The following ROR2 variants were observed in gnomAD, a reference collection of about 807,000 sequenced individuals.
The protein encoded by ROR2 is ROR family WNT receptor 2, also known as tyrosine-protein kinase transmembrane receptor ROR2.
ROR2 carries 33 observed loss-of-function variants against 74.9 expected under a neutral mutation model. The observed-to-expected ratio is 0.44, with a 90% CI of 0.33 to 0.59. The LOEUF (loss-of-function observed/expected upper bound fraction) is 0.59. Among genes scored for constraint, ROR2 ranks in the 20% least tolerant of loss-of-function variants. The pLI is 0.02. For missense variants in ROR2, 1,216 were observed against 1,313.8 expected (o/e 0.93, Z 1.15); for synonymous variants, 586 against 558.7 (o/e 1.05, Z -0.69).
At chr9:91,819,427 GTC>G (rs983903242) in intron 1 of ROR2, among the ~76,000 whole-genome samples, 40 of 152,230 alleles carry the variant, frequency 2.6e-4, no homozygotes, top group African/African-American at 9.4e-4. Context: ...GTGTCTGTTA[GTC>G]TCTGTGTGTG....
intron 1 of ROR2, among the ~76,000 whole-genome samples, chr9:91,805,470 T>C (rs1259017492): frequency 6.6e-6 from 1 of 152,192 alleles, no homozygotes; most frequent in Non-Finnish European, 1.5e-5. Flanking sequence ...TCTTCTCCTG[T>C]TCCTGAATAA....
At chr9:91,763,326 G>C (rs1402826803) in intron 2 of ROR2, among the ~76,000 whole-genome samples, 1 of 152,176 alleles carries the variant, frequency 6.6e-6, no homozygotes, top group East Asian at 1.9e-4. Context: ...AACCTAAAAT[G>C]AAAGTTGGAA....
intron 1 of ROR2, among the ~76,000 whole-genome samples, chr9:91,825,169 C>T (rs1373917095): frequency 6.6e-6 from 1 of 152,186 alleles, no homozygotes; most frequent in African/African-American, 2.4e-5. Context: ...TAAAGCAAGG[C>T]GCCCCTCCCA....
chr9:91,787,544 T>C (rs951329357), intron 1 of ROR2, among the ~76,000 whole-genome samples: 3 of 152,132 alleles, frequency 2.0e-5, no homozygotes, highest in Non-Finnish European at 2.9e-5. Flanking sequence ...TTTATTTATT[T>C]ATTTAAAAAT....
intron 1 of ROR2, among the ~76,000 whole-genome samples, chr9:91,881,059 G>A (rs922875844): frequency 4.6e-5 from 7 of 152,146 alleles, no homozygotes; most frequent in Admixed American, 4.6e-4. Flanking sequence ...CTTGCCAGCC[G>A]CTTACTTTCA....
chr9:91,947,148 A>G (rs1832032919), intron 1 of ROR2, among the ~76,000 whole-genome samples: 1 of 152,254 alleles, frequency 6.6e-6, no homozygotes, highest in Admixed American at 6.5e-5. Flanking sequence ...AGCAGTCACC[A>G]AAAACTACCC....
chr9:91,804,446 A>G (rs1268179829), intron 1 of ROR2, among the ~76,000 whole-genome samples: 1 of 152,188 alleles, frequency 6.6e-6, no homozygotes, highest in East Asian at 1.9e-4. Flanking sequence ...CTCCAGCCTC[A>G]TGGAACTGCC....
intron 1 of ROR2, among the ~76,000 whole-genome samples, chr9:91,906,600 C>A (rs1211287949): frequency 3.3e-5 from 5 of 152,182 alleles, no homozygotes; most frequent in Admixed American, 3.3e-4. Context: ...TCAAGAAAAT[C>A]CCCTCGGTTT....
At chr9:91,898,798 G>A (rs1158313224) in intron 1 of ROR2, among the ~76,000 whole-genome samples, 3 of 152,206 alleles carry the variant, frequency 2.0e-5, no homozygotes, top group South Asian at 2.1e-4. Flanking sequence ...AGAAGGAGAC[G>A]CAGCACAGAG....
At chr9:91,903,848 C>T (rs1013267710) in intron 1 of ROR2, among the ~76,000 whole-genome samples, 13 of 152,116 alleles carry the variant, frequency 8.5e-5, no homozygotes, top group African/African-American at 2.7e-4. Context: ...ACTTATTTTA[C>T]GTATTTAAAG....
intron 1 of ROR2, among the ~76,000 whole-genome samples, chr9:91,791,200 T>C (rs895536863): frequency 8.5e-5 from 13 of 152,290 alleles, no homozygotes; most frequent in Non-Finnish European, 1.6e-4. Flanking sequence ...AGATGGTGCA[T>C]TGAAATCTTT....
At chr9:91,831,374 A>AT (rs1487976049) in intron 1 of ROR2, among the ~76,000 whole-genome samples, 2 of 152,154 alleles carry the variant, frequency 1.3e-5, no homozygotes, top group Non-Finnish European at 2.9e-5. Context: ...GAGGAATCAA[A>AT]TATCTTCTTG....
At chr9:91,844,900 C>T (rs759354724) in intron 1 of ROR2, among the ~76,000 whole-genome samples, 16 of 152,174 alleles carry the variant, frequency 1.1e-4, no homozygotes, top group South Asian at 4.1e-4. Flanking sequence ...GAAGGGGGTG[C>T]GGGAAGGGGA....
At chr9:91,759,340 C>T (rs189702988) in intron 2 of ROR2, among the ~76,000 whole-genome samples, 50 of 152,310 alleles carry the variant, frequency 3.3e-4, no homozygotes, top group African/African-American at 9.9e-4. Context: ...TTATTAACAT[C>T]ATTAGGTTCT....
chr9:91,731,659 T>G (rs529287090), intron 6 of ROR2, among the ~76,000 whole-genome samples: 1 of 152,164 alleles, frequency 6.6e-6, no homozygotes, highest in Non-Finnish European at 1.5e-5. Flanking sequence ...TAAACCCTCC[T>G]GGCTGGGGCA....
intron 1 of ROR2, among the ~76,000 whole-genome samples, chr9:91,834,016 G>A (rs1828543801): frequency 6.6e-6 from 1 of 152,176 alleles, no homozygotes. Context: ...GAGTGGGTAG[G>A]CCGTCCCCCT....
At chr9:91,806,800 A>G (rs575816841) in intron 1 of ROR2, among the ~76,000 whole-genome samples, 11 of 152,290 alleles carry the variant, frequency 7.2e-5, no homozygotes, top group South Asian at 4.1e-4. Context: ...CGTGTTAGCC[A>G]GGATGGTCTC....
At chr9:91,858,912 A>G (rs922289448) in intron 1 of ROR2, among the ~76,000 whole-genome samples, 2 of 152,156 alleles carry the variant, frequency 1.3e-5, no homozygotes, top group African/African-American at 4.8e-5. Context: ...GAGGAATCAG[A>G]GCCAGGCATC....
Position 91,730,931 on chromosome 9 carries a change from G to A in ROR2, c.1162C>T (p.Leu388=), listed in dbSNP as rs545672059. The A allele has an allele frequency of 3.0e-5, 49 of 1,614,176 alleles. No individual in the cohort carries two copies. In the South Asian group the frequency reaches 4.6e-4, roughly 15 times the overall value. ...FTQNKNVRME[L]CDVPSCSPRD... is the part of the protein sequence containing the mutation. Reference sequence around the variant, plus strand: ...ATACTACACGAGGGTACGTCACACAGTTCCATGCGTACGTTTTTATTCTGC... The same window carrying A: ...ATACTACACGAGGGTACGTCACACAATTCCATGCGTACGTTTTTATTCTGC... The change falls in exon 7 of 9, where the codon CTG becomes TTG. Residue 388 remains leucine (L), a synonymous_variant. Transcript: ENST00000375708.
Sources: gnomAD v4.1 joint callset for allele counts (sites outside exome capture counted in the v4.1 genomes callset) on GRCh38, gnomAD v4.1.1 for gene constraint, MANE v1.5 for transcripts, NCBI Gene and HGNC (gene_info 2026-07-23, HGNC 2026-07-21) for gene names.